VTI1A: variants seen among roughly 807,000 people sequenced by gnomAD.
VTI1A encodes the protein vesicle transport through interaction with t-SNAREs 1A.
A neutral mutation model predicts 34.9 loss-of-function variants in VTI1A; 22 were observed. The ratio of observed to expected loss-of-function variants is 0.63; its 90% CI spans 0.45 to 0.90. The LOEUF (loss-of-function observed/expected upper bound fraction) is 0.90, where lower values mean the gene tolerates loss of function less well. Ranked by LOEUF, VTI1A falls within the 40% of genes least tolerant of loss-of-function variation. VTI1A has a pLI of 0.00. For synonymous variants in VTI1A, 87 were observed against 97.3 expected (o/e 0.89, Z 0.62); for missense variants, 268 against 275.6 (o/e 0.97, Z 0.20).
the VTI1A span, among the ~76,000 whole-genome samples, chr10:112,852,471 C>T: frequency 6.6e-6 from 1 of 152,212 alleles, no homozygotes; most frequent in Non-Finnish European, 1.5e-5. Flanking sequence ...GGCATGAACC[C>T]TTTCTAAGCA....
intron 5 of VTI1A, among the ~76,000 whole-genome samples, chr10:112,561,341 A>G (rs1429094882): frequency 6.6e-6 from 1 of 152,190 alleles, no homozygotes; most frequent in East Asian, 1.9e-4. Context: ...TACAAAATTA[A>G]TAGTGAAAAT....
At chr10:112,576,019 CTTTTTTTTTTT>C (rs760363890) in intron 5 of VTI1A, among the ~76,000 whole-genome samples, 4 of 131,312 alleles carry the variant, frequency 3.0e-5, no homozygotes, top group African/African-American at 1.1e-4. Context: ...CTTTTCTTTT[CTTTTTTTTTTT>C]TTTTTTTTGA....
At chr10:112,764,223 A>C (rs530087201) in intron 7 of VTI1A, among the ~76,000 whole-genome samples, 19 of 152,220 alleles carry the variant, frequency 1.2e-4, no homozygotes, top group African/African-American at 4.1e-4. Context: ...TGTGGTTTGC[A>C]TGCATGCGGT....
intron 5 of VTI1A, chr10:112,548,618 G>A: frequency 1.0e-6 from 1 of 966,732 alleles, no homozygotes. Context: ...TAATGAATAA[G>A]ATAATATTCA....
chr10:112,687,099 G>A (rs977071530), intron 7 of VTI1A, among the ~76,000 whole-genome samples: 1 of 152,022 alleles, frequency 6.6e-6, no homozygotes, highest in Non-Finnish European at 1.5e-5. Context: ...GGGGTAGAGG[G>A]GAGCCAGGGC....
At chr10:112,582,989 C>T (rs369620371) in intron 5 of VTI1A, among the ~76,000 whole-genome samples, 29 of 152,262 alleles carry the variant, frequency 1.9e-4, no homozygotes, top group African/African-American at 6.7e-4. Context: ...GGCACGTTTG[C>T]TGATACATGT....
At chr10:112,853,285 C>T in the VTI1A span, among the ~76,000 whole-genome samples, 1 of 152,212 alleles carries the variant, frequency 6.6e-6, no homozygotes, top group Non-Finnish European at 1.5e-5. Context: ...ACATCCTTGT[C>T]CTTGCAAGAC....
chr10:112,559,451 A>T (rs1484130190), intron 5 of VTI1A, among the ~76,000 whole-genome samples: 1 of 152,150 alleles, frequency 6.6e-6, no homozygotes, highest in Non-Finnish European at 1.5e-5. Flanking sequence ...GTCAGTATTG[A>T]GAAAAAGGTA....
intron 7 of VTI1A, among the ~76,000 whole-genome samples, chr10:112,691,010 G>A (rs1158604599): frequency 1.3e-5 from 2 of 152,152 alleles, no homozygotes; most frequent in South Asian, 4.1e-4. Flanking sequence ...GTTCACACCT[G>A]TAATTCCAGC....
chr10:112,564,525 C>T (rs966449816), intron 5 of VTI1A, among the ~76,000 whole-genome samples: 3 of 151,650 alleles, frequency 2.0e-5, no homozygotes, highest in African/African-American at 2.4e-5. Context: ...GATTACATTT[C>T]GCTTTGCAAC....
chr10:112,527,102 G>A lies in VTI1A; in HGVS notation c.280G>A (p.Ala94Thr), dbSNP rs770821310. 7 of 1,612,970 alleles carry A rather than the reference G, an allele frequency of 4.3e-6. No homozygotes were observed. The highest frequency in any genetic ancestry group is 5.9e-6 in the Non-Finnish European group (7 of 1,179,466). The change falls in exon 4 of 8, where the codon GCC (alanine) becomes ACC (threonine). Residue 94 changes from alanine (A) to threonine (T), a missense_variant. Ala to Thr is a moderately conservative substitution (Grantham distance 58). Transcript: ENST00000393077. ...TGTTTTATAGAAAAGGTCACGGATC[G>A]CCTACAGTGACGAAGTACGGAATGA... The part of the protein sequence containing the change: ...LETDFKRSRI[A>T]YSDEVRNELL...
intron 3 of VTI1A, among the ~76,000 whole-genome samples, chr10:112,474,345 G>T (rs1197769121): frequency 6.6e-6 from 1 of 151,908 alleles, no homozygotes. Context: ...GAGCCACCAC[G>T]CCCGGCAACT....
chr10:112,515,076 TG>T (rs911006085), intron 3 of VTI1A, among the ~76,000 whole-genome samples: 34 of 152,206 alleles, frequency 2.2e-4, no homozygotes, highest in African/African-American at 7.2e-4. Flanking sequence ...TAATTAGATT[TG>T]TTTAGAAAAT....
intron 7 of VTI1A, among the ~76,000 whole-genome samples, chr10:112,673,939 C>T (rs989688388): frequency 1.3e-5 from 2 of 152,076 alleles, no homozygotes; most frequent in Admixed American, 1.3e-4. Flanking sequence ...TTTAAAAACT[C>T]ATTCTTTTTT....
Position 112,736,107 on chromosome 10 carries a change from G to GTATATATATATA in VTI1A, c.560+67110_560+67111insATATATATATAT, listed in dbSNP as rs1468293852. The stretch of plus-strand genomic sequence containing the variant: ...TAGTATATTTTACATATATATGTGT[G>GTATATATATATA]TGTGTATATATATATATATATATAT... On this transcript the variant is annotated intron_variant, in intron 7 of 7. Coordinates refer to ENST00000393077, the MANE Select transcript of VTI1A (RefSeq NM_145206.4). Among the ~76,000 whole-genome samples, 755 of 100,698 alleles carry GTATATATATATA rather than the reference G, an allele frequency of 7.5e-3. 11 individuals carry two copies. The highest frequency in any genetic ancestry group is 0.026 in the East Asian group (97 of 3,670). 66.1% of individuals were successfully genotyped at this position (100,698 alleles called of 152,430 possible).
At chr10:112,748,444 C>T (rs537324920) in intron 7 of VTI1A, among the ~76,000 whole-genome samples, 1 of 152,212 alleles carries the variant, frequency 6.6e-6, no homozygotes. Flanking sequence ...ATTACCTGAG[C>T]CAGTCAAGTT....
At chr10:112,700,817 T>C (rs1294516957) in intron 7 of VTI1A, among the ~76,000 whole-genome samples, 2 of 152,216 alleles carry the variant, frequency 1.3e-5, no homozygotes, top group Non-Finnish European at 1.5e-5. Flanking sequence ...GTTACAGATA[T>C]TATATGAAAG....
chr10:112,471,086 T>C (rs1848059368), intron 3 of VTI1A, among the ~76,000 whole-genome samples: 1 of 152,164 alleles, frequency 6.6e-6, no homozygotes, highest in Admixed American at 6.5e-5. Context: ...GCCATTTTTG[T>C]GTTTGTAGCC....
chr10:112,702,916 AT>A (rs1296638985), intron 7 of VTI1A, among the ~76,000 whole-genome samples: 1 of 152,132 alleles, frequency 6.6e-6, no homozygotes, highest in East Asian at 1.9e-4. Context: ...AATAAATTAT[AT>A]TACTTTAGTA....
Sources: allele counts gnomAD v4.1 joint callset (sites outside exome capture counted in the v4.1 genomes callset), GRCh38; gene constraint gnomAD v4.1.1; transcripts MANE v1.5; gene names NCBI Gene and HGNC (gene_info 2026-07-23, HGNC 2026-07-21).